MARCHF1: variants seen among roughly 807,000 people sequenced by gnomAD.
MARCHF1 encodes membrane associated ring-CH-type finger 1.
A neutral mutation model predicts 54.2 loss-of-function variants in MARCHF1; 40 were observed. The ratio of observed to expected loss-of-function variants is 0.74; its 90% CI spans 0.57 to 0.96. MARCHF1 has a LOEUF of 0.96. MARCHF1 is among the 40% of genes least tolerant of loss of function. The pLI, the probability that MARCHF1 is intolerant of heterozygous loss-of-function variation, is 0.00. For missense variants in MARCHF1, 586 were observed against 656.5 expected (o/e 0.89, Z 1.17); for synonymous variants, 236 against 236.3 (o/e 1.00, Z 0.01).
chr4:163,890,565 T>C (rs909661653), intron 3 of MARCHF1, among the ~76,000 whole-genome samples: 3 of 152,190 alleles, frequency 2.0e-5, no homozygotes, highest in Non-Finnish European at 4.4e-5. Context: ...AAGATAACTA[T>C]ATACCTGTTT....
At chr4:163,547,945 C>T (rs2221840) in intron 8 of MARCHF1, among the ~76,000 whole-genome samples, 61,725 of 151,872 alleles carry the variant, frequency 0.41, 13,259 homozygotes, top group Admixed American at 0.53. Context: ...TATATTATTC[C>T]AAGCATAACA....
intron 3 of MARCHF1, among the ~76,000 whole-genome samples, chr4:163,892,405 C>A (rs577484776): frequency 1.3e-5 from 2 of 151,936 alleles, no homozygotes; most frequent in African/African-American, 4.8e-5. Context: ...GTCACAATCC[C>A]ACTGAATGGC....
At chr4:164,180,331 G>C (rs938282457) in intron 1 of MARCHF1, among the ~76,000 whole-genome samples, 1 of 152,020 alleles carries the variant, frequency 6.6e-6, no homozygotes, top group Non-Finnish European at 1.5e-5. Context: ...TTTTACATAA[G>C]TGTTTGTAAA....
At chr4:163,642,682 C>T (rs1742596624) in intron 5 of MARCHF1, among the ~76,000 whole-genome samples, 1 of 152,064 alleles carries the variant, frequency 6.6e-6, no homozygotes, top group African/African-American at 2.4e-5. Flanking sequence ...TACTATTTAT[C>T]CTTCTGGTTT....
Position 163,989,313 on chromosome 4 carries a change from G to A in MARCHF1, c.-247-604C>T, listed in dbSNP as rs993391859. On this transcript the variant is annotated intron_variant, in intron 2 of 9. Coordinates refer to ENST00000514618, the MANE Select transcript of MARCHF1 (RefSeq NM_001394959.1). ...AGAGAGAGAGAGAGAGAGAGAGAGA[G>A]AAAAGAAGAGAGACCTGGAGCAATT... Among the ~76,000 whole-genome samples, 163 of 146,468 alleles carry A rather than the reference G, an allele frequency of 1.1e-3. 4 individuals carry two copies. Among genetic ancestry groups the A allele is most frequent in the Admixed American group, 0.011 (160 of 14,646 alleles).
At chr4:163,847,887 G>A (rs190287360) in intron 4 of MARCHF1, among the ~76,000 whole-genome samples, 2 of 152,240 alleles carry the variant, frequency 1.3e-5, no homozygotes, top group Admixed American at 1.3e-4. Flanking sequence ...GGCTGAGTTA[G>A]TCTTTCCACT....
At chr4:164,260,736 A>G (rs539206017) in intron 1 of MARCHF1, among the ~76,000 whole-genome samples, 2 of 152,374 alleles carry the variant, frequency 1.3e-5, no homozygotes, top group East Asian at 3.9e-4. Context: ...GTATAACAGT[A>G]TATGCAGTAT....
chr4:164,270,590 C>T (rs958201017), intron 1 of MARCHF1, among the ~76,000 whole-genome samples: 5 of 152,158 alleles, frequency 3.3e-5, no homozygotes, highest in African/African-American at 1.2e-4. Flanking sequence ...GAAATTCAAG[C>T]TTGTTTCAAT....
Position 163,621,482 on chromosome 4 carries a change from G to A in MARCHF1, c.163-8089C>T, listed in dbSNP as rs546132233. On this transcript the variant is annotated intron_variant, in intron 5 of 9. Transcript: ENST00000514618. The stretch of plus-strand genomic sequence containing the variant: ...GTTAAAGGAGATCCTATCCTACTTA[G>A]AATTTTGTATTAGATTTTTTTCTGA... Among the ~76,000 whole-genome samples, 3 of 152,244 alleles carry A rather than the reference G, an allele frequency of 2.0e-5. No homozygotes were observed. The South Asian group carries it at 6.2e-4, about 32-fold the overall frequency.
chr4:163,660,307 A>G (rs1743300534), intron 5 of MARCHF1, among the ~76,000 whole-genome samples: 1 of 152,086 alleles, frequency 6.6e-6, no homozygotes, highest in Non-Finnish European at 1.5e-5. Flanking sequence ...ACAGGAACAG[A>G]AAACCAAACA....
chr4:164,102,920 A>T (rs1579535935), intron 2 of MARCHF1, among the ~76,000 whole-genome samples: 1 of 112,532 alleles, frequency 8.9e-6, no homozygotes, highest in African/African-American at 3.7e-5. Context: ...ATGGAGGAAG[A>T]TCTACCAAGC....
intron 4 of MARCHF1, among the ~76,000 whole-genome samples, chr4:163,833,916 C>T (rs914917601): frequency 3.3e-5 from 5 of 152,222 alleles, no homozygotes; most frequent in South Asian, 2.1e-4. Context: ...GAGTGAACTA[C>T]GATTTCATCA....
intron 8 of MARCHF1, among the ~76,000 whole-genome samples, chr4:163,571,206 C>T (rs1020705450): frequency 6.6e-6 from 1 of 152,072 alleles, no homozygotes; most frequent in Non-Finnish European, 1.5e-5. Context: ...TGGAATTGGA[C>T]CTGTCTGGAA....
chr4:164,141,936 G>C lies in MARCHF1; in HGVS notation c.-322-30274C>G, dbSNP rs1176125761. Among the ~76,000 whole-genome samples the C allele has an allele frequency of 2.0e-5, 3 of 152,326 alleles. No homozygotes were observed. The South Asian group carries it at 6.2e-4, about 32-fold the overall frequency. The stretch of plus-strand genomic sequence containing the variant: ...GGGTTCATCTCACTAGGGAGTGCCA[G>C]ACAGTGGGCGCAGGTCAGTGGGTGG... On this transcript the variant is annotated intron_variant, in intron 1 of 9. Coordinates refer to ENST00000514618, the MANE Select transcript of MARCHF1 (RefSeq NM_001394959.1).
At chr4:164,108,432 C>G (rs1192595182) in intron 2 of MARCHF1, among the ~76,000 whole-genome samples, 2 of 151,426 alleles carry the variant, frequency 1.3e-5, no homozygotes, top group African/African-American at 4.9e-5. Flanking sequence ...TTTTTTTCTG[C>G]ATCCCTTTGA....
At chr4:164,102,454 A>G (rs1281590465) in intron 2 of MARCHF1, among the ~76,000 whole-genome samples, 2 of 136,498 alleles carry the variant, frequency 1.5e-5, no homozygotes, top group African/African-American at 2.7e-5. Flanking sequence ...AGTGGGGGCC[A>G]ATATTCAACA....
At chr4:163,615,212 T>C (rs1213049260) in intron 5 of MARCHF1, among the ~76,000 whole-genome samples, 1 of 152,034 alleles carries the variant, frequency 6.6e-6, no homozygotes, top group African/African-American at 2.4e-5. Flanking sequence ...ATCCCTATGA[T>C]AGTAGTTATA....
At chr4:164,276,035 T>C (rs954249982) in intron 1 of MARCHF1, among the ~76,000 whole-genome samples, 25 of 152,176 alleles carry the variant, frequency 1.6e-4, no homozygotes, top group Non-Finnish European at 7.4e-5. Flanking sequence ...GTCTGTCCCA[T>C]TTCAACAATC....
chr4:164,177,009 T>TATATATATATATATACAC (rs1553989397), intron 1 of MARCHF1, among the ~76,000 whole-genome samples: 1 of 55,572 alleles, frequency 1.8e-5, no homozygotes, highest in Admixed American at 2.0e-4. Context: ...TATATATATA[T>TATATATATATATATACAC]ACAAATGATA....
Sources: gnomAD v4.1 joint callset for allele counts (sites outside exome capture counted in the v4.1 genomes callset) on GRCh38, gnomAD v4.1.1 for gene constraint, MANE v1.5 for transcripts, NCBI Gene and HGNC (gene_info 2026-07-23, HGNC 2026-07-21) for gene names.